GRIK3: variants seen among roughly 807,000 people sequenced by gnomAD.
The protein encoded by GRIK3 is glutamate ionotropic receptor kainate type subunit 3.
Under a neutral mutation model 102.5 loss-of-function variants are expected in GRIK3, and 29 were observed. That is an observed-to-expected ratio of 0.28 (90% confidence interval 0.21 to 0.39). The LOEUF is 0.39. Ranked by LOEUF, GRIK3 falls within the 10% of genes least tolerant of loss-of-function variation. The pLI, the probability that GRIK3 is intolerant of heterozygous loss-of-function variation, is 1.00. For synonymous variants in GRIK3, 511 were observed against 504.9 expected (o/e 1.01, Z -0.16); for missense variants, 908 against 1,252.4 (o/e 0.73, Z 4.15).
chr1:36,823,747 C>T (rs1419787300), intron 11 of GRIK3, among the ~76,000 whole-genome samples: 3 of 152,136 alleles, frequency 2.0e-5, no homozygotes, highest in Non-Finnish European at 2.9e-5. Flanking sequence ...TTGCGTTTGT[C>T]ATCCTTGATA....
rs1428737800 is a variant in GRIK3, at chr1:36,891,031, G to T, written c.181C>A (p.Arg61=). Residue 61 remains arginine (R), a synonymous_variant, in exon 2 of 16, where the codon CGA becomes AGA. Transcript: ENST00000373091. ...CTGTTGATGATGTTGGCAGAAAATC[G>T]AAAGGCATGCTCCTCGGCATTCATG... is the stretch of plus-strand genomic sequence containing the variant. ...QVMNAEEHAF[R]FSANIINRNR... 2.5e-6 allele frequency: 4 copies of T among 1,613,990 alleles called. No homozygotes were observed. The highest frequency in any genetic ancestry group is 2.5e-6 in the Non-Finnish European group (3 of 1,179,876).
At chr1:36,842,254 CTT>C (rs1430418584) in intron 9 of GRIK3, among the ~76,000 whole-genome samples, 13 of 152,164 alleles carry the variant, frequency 8.5e-5, no homozygotes, top group Non-Finnish European at 1.6e-4. Context: ...CCCATGGTCT[CTT>C]TGCTGCACTA....
At chr1:36,807,893 C>G (rs142140973) in intron 13 of GRIK3, among the ~76,000 whole-genome samples, 1 of 152,200 alleles carries the variant, frequency 6.6e-6, no homozygotes, top group Non-Finnish European at 1.5e-5. Context: ...CATGGAAGGG[C>G]CCAGATGCCT....
chr1:36,950,599 G>C (rs1465532783), intron 1 of GRIK3, among the ~76,000 whole-genome samples: 1 of 152,238 alleles, frequency 6.6e-6, no homozygotes, highest in Non-Finnish European at 1.5e-5. Context: ...GTCTTTGGCT[G>C]TGCAGACGGT....
chr1:36,833,797 G>C (rs1206265266), intron 10 of GRIK3, among the ~76,000 whole-genome samples: 1 of 152,220 alleles, frequency 6.6e-6, no homozygotes, highest in African/African-American at 2.4e-5. Context: ...TTGGGGGACA[G>C]CTTCCCAAAT....
At chr1:36,977,578 G>T (rs556617870) in intron 1 of GRIK3, among the ~76,000 whole-genome samples, 1 of 152,268 alleles carries the variant, frequency 6.6e-6, no homozygotes, top group African/African-American at 2.4e-5. Context: ...ATTCCCCTGC[G>T]ATGCTTCCTG....
At chr1:36,984,412 A>G (rs1642282979) in intron 1 of GRIK3, among the ~76,000 whole-genome samples, 1 of 152,232 alleles carries the variant, frequency 6.6e-6, no homozygotes, top group South Asian at 2.1e-4. Flanking sequence ...GGGCTAGTGT[A>G]AAGACGAAAG....
At chr1:36,821,058 G>A (rs1241596554) in intron 11 of GRIK3, among the ~76,000 whole-genome samples, 2 of 152,148 alleles carry the variant, frequency 1.3e-5, no homozygotes, top group African/African-American at 4.8e-5. Flanking sequence ...AAGTCTAGTG[G>A]AATTTTGTTT....
At chr1:36,906,752 T>C (rs1409801296) in intron 1 of GRIK3, among the ~76,000 whole-genome samples, 1 of 152,232 alleles carries the variant, frequency 6.6e-6, no homozygotes, top group East Asian at 1.9e-4. Context: ...TAAAACTTTA[T>C]TTGCAAAAAT....
At chr1:36,908,617 T>A (rs908790556) in intron 1 of GRIK3, among the ~76,000 whole-genome samples, 24 of 152,236 alleles carry the variant, frequency 1.6e-4, no homozygotes, top group Admixed American at 1.3e-3. Flanking sequence ...AAGAGGCTAA[T>A]AAGTAGGTTG....
At chr1:36,825,306 C>G (rs1188801702) in intron 11 of GRIK3, among the ~76,000 whole-genome samples, 1 of 152,142 alleles carries the variant, frequency 6.6e-6, no homozygotes, top group East Asian at 1.9e-4. Context: ...TTTGGGCAAC[C>G]ACTTGACCTC....
At chr1:36,994,022 C>T (rs1408613654) in intron 1 of GRIK3, among the ~76,000 whole-genome samples, 1 of 152,220 alleles carries the variant, frequency 6.6e-6, no homozygotes, top group Non-Finnish European at 1.5e-5. Context: ...ACCACAACCA[C>T]ACTTCACCAT....
intron 1 of GRIK3, among the ~76,000 whole-genome samples, chr1:36,939,646 T>C (rs1457981603): frequency 6.6e-6 from 1 of 152,240 alleles, no homozygotes; most frequent in African/African-American, 2.4e-5. Context: ...CAAAGAGTAT[T>C]TAATCATTGT....
At chr1:36,822,287 C>T (rs1259595649) in intron 11 of GRIK3, among the ~76,000 whole-genome samples, 1 of 152,214 alleles carries the variant, frequency 6.6e-6, no homozygotes, top group Non-Finnish European at 1.5e-5. Flanking sequence ...AACTGCTTAT[C>T]ATGATAAAAA....
chr1:37,027,551 C>T (rs1557468824), intron 1 of GRIK3, among the ~76,000 whole-genome samples: 1 of 152,176 alleles, frequency 6.6e-6, no homozygotes, highest in Non-Finnish European at 1.5e-5. Context: ...CCTAGCATCA[C>T]CCTACACCCA....
At chr1:36,828,945 C>T (rs1642784110) in intron 10 of GRIK3, among the ~76,000 whole-genome samples, 1 of 152,200 alleles carries the variant, frequency 6.6e-6, no homozygotes, top group Admixed American at 6.5e-5. Context: ...CCTCTCAGAG[C>T]CTTTGAAACC....
At chr1:36,855,168 G>A (rs919866112) in intron 7 of GRIK3, among the ~76,000 whole-genome samples, 2 of 152,136 alleles carry the variant, frequency 1.3e-5, no homozygotes, top group Non-Finnish European at 2.9e-5. Flanking sequence ...GGGGAGGGAG[G>A]GTATCCGGAG....
chr1:37,029,504 C>T lies in GRIK3; in HGVS notation c.115+4490G>A, dbSNP rs376870665. Among the ~76,000 whole-genome samples, 79 of 152,310 alleles carry T rather than the reference C, an allele frequency of 5.2e-4. No individual in the cohort carries two copies. The South Asian group carries it at 0.013, about 25-fold the overall frequency. ...CAGCTGCTGTGGCAAGTAGAGGAGG[C>T]GCCACCTCAGCAGACCAGAAACAGT... is the stretch of plus-strand genomic sequence containing the variant. On this transcript the variant is annotated intron_variant, in intron 1 of 15. Transcript: ENST00000373091.
In GRIK3 at chr1:36,819,672, G is replaced by A. The variant is rs1642675653; in HGVS notation, c.1873+64C>T. The A allele has an allele frequency of 1.0e-5, 9 of 859,158 alleles. No homozygotes were observed. The South Asian group carries it at 1.2e-4, about 12-fold the overall frequency. 53.2% of individuals were successfully genotyped at this position (859,158 alleles called of 1,614,324 possible). ...GTGGGCTGGCTCTGCTGATGCCAAA[G>A]AGGCTGAAGACCGCTTGGGGAAAGC... is the stretch of plus-strand genomic sequence containing the variant. On this transcript the variant is annotated intron_variant, in intron 12 of 15. Coordinates refer to ENST00000373091, the MANE Select transcript of GRIK3 (RefSeq NM_000831.4). The surrounding 1 kb of genome is among the most constrained non-coding windows in gnomAD (Gnocchi z 4.1).
Sources: allele counts gnomAD v4.1 joint callset (sites outside exome capture counted in the v4.1 genomes callset), GRCh38; gene constraint gnomAD v4.1.1; non-coding constraint Gnocchi (gnomAD v3.1); transcripts MANE v1.5; gene names NCBI Gene and HGNC (gene_info 2026-07-23, HGNC 2026-07-21).